The following PHF24 variants were observed in gnomAD, a reference collection of about 807,000 sequenced individuals.
PHF24 encodes the protein PHD finger protein 24.
PHF24 carries 25 observed loss-of-function variants against 42.6 expected under a neutral mutation model. The ratio of observed to expected loss-of-function variants is 0.59; its 90% CI spans 0.43 to 0.82. The LOEUF is 0.82. Among genes scored for constraint, PHF24 ranks in the 40% least tolerant of loss-of-function variants. The pLI is 0.00. For synonymous variants in PHF24, 185 were observed against 204.8 expected, an observed-to-expected ratio of 0.90 and a Z score of 0.83; for missense variants, 470 against 538.1, an observed-to-expected ratio of 0.87 and a Z score of 1.25.
the PHF24 span, among the ~76,000 whole-genome samples, chr9:34,824,951 A>G: frequency 1.3e-5 from 2 of 152,088 alleles, no homozygotes; most frequent in Admixed American, 6.5e-5. Context: ...TATTTGAAAA[A>G]CTATGGTTTA....
chr9:34,670,803 T>C, the PHF24 span, among the ~76,000 whole-genome samples: 5 of 152,076 alleles, frequency 3.3e-5, no homozygotes, highest in Non-Finnish European at 7.4e-5. Flanking sequence ...AGTACTAAGA[T>C]ACCTGGGAGT....
the PHF24 span, among the ~76,000 whole-genome samples, chr9:34,794,693 G>A: frequency 6.6e-6 from 1 of 152,096 alleles, no homozygotes; most frequent in South Asian, 2.1e-4. Flanking sequence ...AAACTCACTG[G>A]CTTGACTCTA....
chr9:34,975,800 A>G (rs897390770), intron 3 of PHF24, among the ~76,000 whole-genome samples: 5 of 151,742 alleles, frequency 3.3e-5, no homozygotes, highest in Admixed American at 6.6e-5. Context: ...GGAGATAGGG[A>G]TTCACAACCT....
chr9:34,728,149 A>G, the PHF24 span: 2 of 1,418,976 alleles, frequency 1.4e-6, no homozygotes, highest in African/African-American at 1.4e-5. Flanking sequence ...AGGAAGCTGA[A>G]TAGTAAGGCC....
chr9:34,683,267 G>A, the PHF24 span, among the ~76,000 whole-genome samples: 1 of 152,180 alleles, frequency 6.6e-6, no homozygotes, highest in Non-Finnish European at 1.5e-5. Context: ...TGCCATGTTG[G>A]CCAAGCTGGT....
At chr9:34,767,737 C>G in the PHF24 span, among the ~76,000 whole-genome samples, 2 of 152,228 alleles carry the variant, frequency 1.3e-5, no homozygotes, top group Non-Finnish European at 2.9e-5. Flanking sequence ...GTCTGGCACT[C>G]CCTAGTGAGA....
chr9:34,958,566 G>A lies in PHF24; in HGVS notation c.-5+165G>A, dbSNP rs1460067222. On this transcript the variant is annotated intron_variant, in intron 1 of 7. Coordinates refer to ENST00000242315, the Ensembl canonical transcript of PHF24. The surrounding 1 kb of genome is among the most constrained non-coding windows in gnomAD (Gnocchi z 4.5). ...CAAGTAGCTGCTGCCTCTACGCCTT[G>A]GGGGAGTCCCTGAGGTGCTGTGGGG... 1.3e-5 allele frequency among the ~76,000 whole-genome samples: 2 copies of A among 152,140 alleles called. No individual in the cohort carries two copies. Among genetic ancestry groups the A allele is most frequent in the Non-Finnish European group, 2.9e-5 (2 of 67,996 alleles).
chr9:34,829,421 C>T, the PHF24 span, among the ~76,000 whole-genome samples: 1 of 152,054 alleles, frequency 6.6e-6, no homozygotes, highest in African/African-American at 2.4e-5. Context: ...GACAAGCTCC[C>T]CTGGGGCAAG....
the PHF24 span, chr9:34,723,512 G>T: frequency 3.2e-6 from 5 of 1,551,794 alleles, no homozygotes; most frequent in South Asian, 5.9e-5. Flanking sequence ...TCTGGTTTTG[G>T]CCACCTTCGC....
chr9:34,842,636 G>A, the PHF24 span, among the ~76,000 whole-genome samples: 1 of 152,158 alleles, frequency 6.6e-6, no homozygotes, highest in African/African-American at 2.4e-5. Flanking sequence ...GCAGAGACTG[G>A]GCCCTCATCA....
At chr9:34,754,952 T>C in the PHF24 span, among the ~76,000 whole-genome samples, 1 of 152,186 alleles carries the variant, frequency 6.6e-6, no homozygotes, top group Non-Finnish European at 1.5e-5. Flanking sequence ...AAGCCATGCA[T>C]AGAAATACAA....
At chr9:34,966,589 C>A (rs367754337) in intron 1 of PHF24, among the ~76,000 whole-genome samples, 2 of 151,928 alleles carry the variant, frequency 1.3e-5, no homozygotes, top group African/African-American at 4.8e-5. Context: ...GACCCCCCCC[C>A]TCGCCCCATC....
At chr9:34,769,010 T>C in the PHF24 span, among the ~76,000 whole-genome samples, 2 of 152,172 alleles carry the variant, frequency 1.3e-5, no homozygotes, top group East Asian at 3.9e-4. Context: ...AGAAGATATA[T>C]TGGAGAAGAA....
the PHF24 span, among the ~76,000 whole-genome samples, chr9:34,826,148 TC>T: frequency 3.3e-5 from 5 of 151,744 alleles, no homozygotes; most frequent in Non-Finnish European, 5.9e-5. Context: ...CCCCTCTCCC[TC>T]CCCATGCTCT....
the PHF24 span, among the ~76,000 whole-genome samples, chr9:34,668,980 A>G: frequency 5.3e-5 from 8 of 152,304 alleles, no homozygotes; most frequent in Non-Finnish European, 1.2e-4. Flanking sequence ...TAAATTGTGT[A>G]TTCAGTGAAA....
At chr9:34,679,256 T>C in the PHF24 span, among the ~76,000 whole-genome samples, 1 of 152,236 alleles carries the variant, frequency 6.6e-6, no homozygotes, top group Non-Finnish European at 1.5e-5. Context: ...TACCATGCAG[T>C]ATGAAGCCCA....
chr9:34,742,682 G>A, the PHF24 span, among the ~76,000 whole-genome samples: 4 of 151,814 alleles, frequency 2.6e-5, no homozygotes, highest in African/African-American at 9.7e-5. Flanking sequence ...CTCCTGCCTT[G>A]GCCTCCCAAA....
At chr9:34,866,497 A>G in the PHF24 span, among the ~76,000 whole-genome samples, 2 of 152,212 alleles carry the variant, frequency 1.3e-5, no homozygotes, top group Non-Finnish European at 1.5e-5. Flanking sequence ...CACGTACCTT[A>G]CATAAAAGGT....
chr9:34,815,598 A>G, the PHF24 span, among the ~76,000 whole-genome samples: 10 of 152,240 alleles, frequency 6.6e-5, no homozygotes, highest in African/African-American at 1.9e-4. Context: ...CTGGGATTAC[A>G]GGCGTGAGCT....
Sources: allele counts gnomAD v4.1 joint callset (sites outside exome capture counted in the v4.1 genomes callset), GRCh38; gene constraint gnomAD v4.1.1; non-coding constraint Gnocchi (gnomAD v3.1); transcripts MANE v1.5; gene names NCBI Gene and HGNC (gene_info 2026-07-23, HGNC 2026-07-21).